The following COL8A1 variants were observed in gnomAD, a reference collection of about 807,000 sequenced individuals.
COL8A1 encodes the protein collagen alpha-1(VIII) chain.
Under a neutral mutation model 42.7 loss-of-function variants are expected in COL8A1, and 21 were observed. That is an observed-to-expected ratio of 0.49 (90% CI 0.35 to 0.71). The LOEUF is 0.71. Among genes scored for constraint, COL8A1 ranks in the 30% least tolerant of loss-of-function variants. The pLI, the probability that COL8A1 is intolerant of heterozygous loss-of-function variation, is 0.01. For missense variants in COL8A1, 788 were observed against 962.4 expected (o/e 0.82, Z 2.40); for synonymous variants, 367 against 369.1 (o/e 0.99, Z 0.06).
intron 1 of COL8A1, among the ~76,000 whole-genome samples, chr3:99,722,533 T>C (rs1940185305): frequency 6.6e-6 from 1 of 152,122 alleles, no homozygotes; most frequent in African/African-American, 2.4e-5. Context: ...GCTTGAGAAA[T>C]CAGTGATAAT....
At chr3:99,763,286 C>T (rs933399196) in intron 2 of COL8A1, among the ~76,000 whole-genome samples, 6 of 152,082 alleles carry the variant, frequency 3.9e-5, no homozygotes, top group Non-Finnish European at 7.4e-5. Flanking sequence ...ATTTCATTGT[C>T]ATAAATTTCT....
chr3:99,706,887 TGTAAGTAAAGGAGCTACACCAATCTA>T (rs1939693752), intron 1 of COL8A1, among the ~76,000 whole-genome samples: 1 of 152,148 alleles, frequency 6.6e-6, no homozygotes, highest in Admixed American at 6.6e-5. Context: ...GAGAGCTAAA[TGTAAGTAAAGGAGCTACACCAATCTA>T]GTTTGATGAA....
chr3:99,676,859 T>C (rs1252018657), intron 1 of COL8A1, among the ~76,000 whole-genome samples: 2 of 152,076 alleles, frequency 1.3e-5, no homozygotes, highest in Non-Finnish European at 2.9e-5. Context: ...AACTTCTCTA[T>C]ATAAGGAATA....
At chr3:99,727,005 G>T (rs370727515) in intron 1 of COL8A1, among the ~76,000 whole-genome samples, 1 of 127,182 alleles carries the variant, frequency 7.9e-6, no homozygotes, top group Admixed American at 8.2e-5. Context: ...ACCTTGGGCA[G>T]TATGGCCATT....
At chr3:99,712,737 C>T (rs1398541592) in intron 1 of COL8A1, among the ~76,000 whole-genome samples, 1 of 152,096 alleles carries the variant, frequency 6.6e-6, no homozygotes, top group South Asian at 2.1e-4. Context: ...GACATGGAAG[C>T]TTTCCAAAAG....
At chr3:99,744,163 C>T (rs1197355781) in intron 1 of COL8A1, among the ~76,000 whole-genome samples, 4 of 152,150 alleles carry the variant, frequency 2.6e-5, no homozygotes, top group African/African-American at 2.4e-5. Context: ...ATCTCCTGAC[C>T]TCGTGATCCA....
At chr3:99,726,692 T>C (rs1340529761) in intron 1 of COL8A1, among the ~76,000 whole-genome samples, 4 of 152,058 alleles carry the variant, frequency 2.6e-5, no homozygotes, top group Non-Finnish European at 5.9e-5. Flanking sequence ...TGCTTGTTTT[T>C]CTCAGGTTTG....
At chr3:99,682,272 C>T (rs1429773299) in intron 1 of COL8A1, among the ~76,000 whole-genome samples, 2 of 152,088 alleles carry the variant, frequency 1.3e-5, no homozygotes, top group African/African-American at 2.4e-5. Flanking sequence ...AAAGAATTAG[C>T]TGGGCCTGGC....
At chr3:99,686,915 G>A (rs1390505495) in intron 1 of COL8A1, among the ~76,000 whole-genome samples, 1 of 152,188 alleles carries the variant, frequency 6.6e-6, no homozygotes, top group Non-Finnish European at 1.5e-5. Flanking sequence ...TTGCTGCCCA[G>A]GCTGCAGAGC....
intron 1 of COL8A1, among the ~76,000 whole-genome samples, chr3:99,690,110 T>C (rs1939174680): frequency 6.6e-6 from 1 of 152,206 alleles, no homozygotes; most frequent in Non-Finnish European, 1.5e-5. Flanking sequence ...CCAAAGTGTA[T>C]GCCACTGTTT....
At chr3:99,725,984 C>T (rs1487792231) in intron 1 of COL8A1, among the ~76,000 whole-genome samples, 2 of 152,140 alleles carry the variant, frequency 1.3e-5, no homozygotes, top group East Asian at 1.9e-4. Flanking sequence ...CTTGAGGAAT[C>T]GCCACACTAA....
At chr3:99,771,615 C>G (rs531025570) in intron 2 of COL8A1, among the ~76,000 whole-genome samples, 3 of 152,290 alleles carry the variant, frequency 2.0e-5, no homozygotes. Context: ...TGAGCGGGAG[C>G]CTTTCTAGCT....
intron 2 of COL8A1, among the ~76,000 whole-genome samples, chr3:99,776,090 A>T (rs1240211776): frequency 6.6e-6 from 1 of 152,196 alleles, no homozygotes; most frequent in Non-Finnish European, 1.5e-5. Flanking sequence ...GCTTACAAGA[A>T]GTTGGCCCCT....
chr3:99,747,979 C>T (rs1188435394), intron 2 of COL8A1, among the ~76,000 whole-genome samples: 2 of 152,160 alleles, frequency 1.3e-5, no homozygotes, highest in African/African-American at 2.4e-5. Context: ...AAATCTACAA[C>T]AAAAGAGCTA....
At chr3:99,687,033 G>A (rs1304239739) in intron 1 of COL8A1, among the ~76,000 whole-genome samples, 1 of 151,738 alleles carries the variant, frequency 6.6e-6, no homozygotes, top group Non-Finnish European at 1.5e-5. Context: ...TATAGAGTAG[G>A]GAGTTTCGCT....
At chr3:99,683,590 C>G in intron 1 of COL8A1, among the ~76,000 whole-genome samples, 1 of 151,898 alleles carries the variant, frequency 6.6e-6, no homozygotes, top group Non-Finnish European at 1.5e-5. Flanking sequence ...TTGAGGGACA[C>G]GATAAATTTT....
At chr3:99,678,281 T>C (rs575221273) in intron 1 of COL8A1, 2 of 152,124 alleles carry the variant, frequency 1.3e-5, no homozygotes, top group Non-Finnish European at 2.9e-5. Flanking sequence ...GGCTGAGTCA[T>C]TGGCCAGTGA....
At chr3:99,652,276 T>C (rs922830902) in intron 1 of COL8A1, among the ~76,000 whole-genome samples, 1 of 152,220 alleles carries the variant, frequency 6.6e-6, no homozygotes, top group Non-Finnish European at 1.5e-5. Flanking sequence ...GCAAGGATCT[T>C]AATTTGGGAA....
At chr3:99,676,829 T>A (rs1163014450) in intron 1 of COL8A1, among the ~76,000 whole-genome samples, 2 of 152,088 alleles carry the variant, frequency 1.3e-5, no homozygotes, top group East Asian at 1.9e-4. Context: ...GGATATAATA[T>A]CAATATTCAA....
Sources: gnomAD v4.1 joint callset for allele counts (sites outside exome capture counted in the v4.1 genomes callset) on GRCh38, gnomAD v4.1.1 for gene constraint, MANE v1.5 for transcripts, NCBI Gene and HGNC (gene_info 2026-07-23, HGNC 2026-07-21) for gene names.